ACACA: variants seen among roughly 807,000 people sequenced by gnomAD.
The protein encoded by ACACA is acetyl-CoA carboxylase alpha.
In ACACA, 103 loss-of-function variants were observed where a neutral mutation model predicts 296.1. That is an observed-to-expected ratio of 0.35 (90% CI 0.30 to 0.41). The LOEUF is 0.41. Among genes scored for constraint, ACACA ranks in the 10% least tolerant of loss-of-function variants. The pLI is 1.00. For missense variants in ACACA, 1,554 were observed against 2,989.7 expected (o/e 0.52, Z 11.20); for synonymous variants, 953 against 1,038.6 (o/e 0.92, Z 1.58).
chr17:37,100,870 G>A (rs1361863907), intron 52 of ACACA, among the ~76,000 whole-genome samples: 2 of 152,198 alleles, frequency 1.3e-5, no homozygotes, highest in Non-Finnish European at 2.9e-5. Flanking sequence ...GCTGAGGTAG[G>A]TGGGTTACTT....
chr17:37,309,179 G>A (rs1266408777), intron 3 of ACACA, among the ~76,000 whole-genome samples: 1 of 151,930 alleles, frequency 6.6e-6, no homozygotes, highest in Non-Finnish European at 1.5e-5. Context: ...GCAACACCAT[G>A]CCCAGCTATT....
intron 1 of ACACA, among the ~76,000 whole-genome samples, chr17:37,369,941 G>A (rs558313349): frequency 6.6e-6 from 1 of 151,788 alleles, no homozygotes; most frequent in Admixed American, 6.6e-5. Context: ...CCTGACCTCA[G>A]GTGATCTGCC....
intron 41 of ACACA, among the ~76,000 whole-genome samples, chr17:37,167,035 C>G (rs532844848): frequency 1.3e-5 from 2 of 151,746 alleles, no homozygotes; most frequent in African/African-American, 4.8e-5. Context: ...ACCTCCACCT[C>G]CCGAGTTCAA....
chr17:37,355,896 C>T (rs949384483), intron 1 of ACACA, among the ~76,000 whole-genome samples: 15 of 151,250 alleles, frequency 9.9e-5, no homozygotes, highest in Admixed American at 2.0e-4. Context: ...AGGCCAGATG[C>T]GGTGGCTCAC....
chr17:37,325,362 G>A, intron 3 of ACACA, among the ~76,000 whole-genome samples: 2 of 146,220 alleles, frequency 1.4e-5, no homozygotes, highest in Non-Finnish European at 3.0e-5. Flanking sequence ...GTGAAACTCA[G>A]TCTCAAAAAA....
chr17:37,097,369 C>T lies in ACACA; in HGVS notation c.6721-203G>A, dbSNP rs1247558955. ...GCCCTGCTGTCTGCAGCACTGTGCA[C>T]AGCCATGGGCCTGGCTAATGCTGAT... On this transcript the variant is annotated intron_variant, in intron 53 of 55. Coordinates refer to ENST00000616317, the MANE Select transcript of ACACA (RefSeq NM_198834.3). The surrounding 1 kb of genome is among the most constrained non-coding windows in gnomAD (Gnocchi z 4.8). Among the ~76,000 whole-genome samples, 1 of 152,210 alleles carries T rather than the reference C, an allele frequency of 6.6e-6. No individual in the cohort carries two copies. Among genetic ancestry groups the T allele is most frequent in the Non-Finnish European group, 1.5e-5 (1 of 68,036 alleles).
At chr17:37,144,059 G>A in intron 45 of ACACA, 2 of 766,142 alleles carry the variant, frequency 2.6e-6, no homozygotes, top group Non-Finnish European at 4.8e-6. Context: ...CCTTCAGGAG[G>A]GACGTAGGTT....
chr17:37,182,340 T>C (rs1282502979), intron 39 of ACACA, among the ~76,000 whole-genome samples: 1 of 151,670 alleles, frequency 6.6e-6, no homozygotes, highest in Non-Finnish European at 1.5e-5. Flanking sequence ...TTAAATTATG[T>C]ATATTAAAAA....
chr17:37,224,962 A>G (rs1213480005), intron 27 of ACACA, 30 bp downstream of exon 27: 11 of 1,002,150 alleles, frequency 1.1e-5, no homozygotes, highest in African/African-American at 1.7e-5. Context: ...TAGGCAGGAA[A>G]GGGTTATATA....
chr17:37,317,970 G>A (rs1037232614), intron 3 of ACACA, among the ~76,000 whole-genome samples: 1 of 152,116 alleles, frequency 6.6e-6, no homozygotes, highest in Non-Finnish European at 1.5e-5. Context: ...TCACTACAAA[G>A]GCACCATGGC....
At chr17:37,161,707 C>T (rs748966957) in intron 42 of ACACA, 74 bp downstream of exon 42, 9 of 1,560,422 alleles carry the variant, frequency 5.8e-6, no homozygotes, top group Non-Finnish European at 7.8e-6. Context: ...TAAACCTCTA[C>T]CCTTCCCCCA....
intron 3 of ACACA, among the ~76,000 whole-genome samples, chr17:37,312,821 GT>G (rs1486529538): frequency 6.6e-6 from 1 of 151,956 alleles, no homozygotes; most frequent in Admixed American, 6.6e-5. Context: ...GAGTCCAGGA[GT>G]TTGAAACCAG....
intron 18 of ACACA, among the ~76,000 whole-genome samples, chr17:37,247,374 C>CATTTTTTT (rs1555613969): frequency 6.9e-6 from 1 of 145,634 alleles, no homozygotes; most frequent in Non-Finnish European, 1.5e-5. Flanking sequence ...TTGTGAATTT[C>CATTTTTTT]TTTTTTTTTT....
intron 3 of ACACA, among the ~76,000 whole-genome samples, chr17:37,314,301 G>C (rs1458693798): frequency 6.6e-6 from 1 of 151,608 alleles, no homozygotes; most frequent in Non-Finnish European, 1.5e-5. Context: ...AGGTTTCACC[G>C]TGTTAGCCAG....
intron 1 of ACACA, among the ~76,000 whole-genome samples, chr17:37,348,748 T>C (rs1305693213): frequency 1.3e-5 from 2 of 150,322 alleles, no homozygotes; most frequent in Admixed American, 6.7e-5. Flanking sequence ...GATCACGAGA[T>C]CAGGAGATTG....
intron 41 of ACACA, among the ~76,000 whole-genome samples, chr17:37,171,985 A>G (rs1213577563): frequency 6.6e-6 from 1 of 152,154 alleles, no homozygotes; most frequent in Non-Finnish European, 1.5e-5. Flanking sequence ...CATTAATCAT[A>G]CGAATGAGTG....
At chr17:37,241,780 G>A (rs932371738) in intron 23 of ACACA, among the ~76,000 whole-genome samples, 173 bp downstream of exon 23, 7 of 152,156 alleles carry the variant, frequency 4.6e-5, no homozygotes, top group African/African-American at 1.7e-4. Context: ...TATTGAGCAT[G>A]AGAGTTAGCT....
chr17:37,377,263 T>C (rs2147711877), intron 1 of ACACA, among the ~76,000 whole-genome samples: 1 of 152,310 alleles, frequency 6.6e-6, no homozygotes, highest in South Asian at 2.1e-4. Context: ...TAGTAAATTT[T>C]CTTAACTCTA....
intron 54 of ACACA, among the ~76,000 whole-genome samples, 158 bp from the exon 55 acceptor site, chr17:37,089,232 C>T (rs1196556196): frequency 2.0e-5 from 3 of 152,196 alleles, no homozygotes; most frequent in Non-Finnish European, 4.4e-5. Context: ...AAGTAGGCCT[C>T]GAGGCAGGAG....
Sources: allele counts gnomAD v4.1 joint callset (sites outside exome capture counted in the v4.1 genomes callset), GRCh38; gene constraint gnomAD v4.1.1; non-coding constraint Gnocchi (gnomAD v3.1); transcripts MANE v1.5; gene names NCBI Gene and HGNC (gene_info 2026-07-23, HGNC 2026-07-21).